Variants in UNC5B observed in about 807,000 individuals in gnomAD.
UNC5B encodes the protein unc-5 netrin receptor B.
A neutral mutation model predicts 103.7 loss-of-function variants in UNC5B; 56 were observed. The observed-to-expected ratio is 0.54, with a 90% CI of 0.44 to 0.67. The LOEUF is 0.67. Among genes scored for constraint, UNC5B ranks in the 30% least tolerant of loss-of-function variants. UNC5B has a pLI of 0.00. For missense variants in UNC5B, 1,194 were observed against 1,284.5 expected (o/e 0.93, Z 1.08); for synonymous variants, 577 against 542.0 (o/e 1.06, Z -0.90).
chr10:71,290,819 G>T, intron 8 of UNC5B, 96 bp from the exon 9 acceptor site: 1 of 1,433,582 alleles, frequency 7.0e-7, no homozygotes, highest in Non-Finnish European at 9.3e-7. Context: ...GGGCCGGTTG[G>T]CCCTGGGCCC....
chr10:71,297,780 C>A, intron 15 of UNC5B, 129 bp from the exon 16 acceptor site: 1 of 1,054,170 alleles, frequency 9.5e-7, no homozygotes, highest in African/African-American at 1.6e-5. Context: ...CCTGCCTGAA[C>A]AGTGGGAGTC....
chr10:71,277,345 G>T (rs545040955), intron 1 of UNC5B, among the ~76,000 whole-genome samples: 14 of 152,366 alleles, frequency 9.2e-5, no homozygotes, highest in African/African-American at 3.4e-4. Context: ...CCTGAGGCCA[G>T]CAAGGGGCTG....
At chr10:71,222,794 C>T (rs1008436396) in intron 1 of UNC5B, among the ~76,000 whole-genome samples, 2 of 152,240 alleles carry the variant, frequency 1.3e-5, no homozygotes, top group African/African-American at 4.8e-5. Context: ...AGGCCCCAAG[C>T]GGCATCTGGA....
At chr10:71,271,821 G>A (rs1052422970) in intron 1 of UNC5B, among the ~76,000 whole-genome samples, 1 of 152,222 alleles carries the variant, frequency 6.6e-6, no homozygotes, top group African/African-American at 2.4e-5. Flanking sequence ...CGCTTCCTGT[G>A]ACAGCAGAGG....
At chr10:71,221,652 C>T (rs1176038153) in intron 1 of UNC5B, among the ~76,000 whole-genome samples, 1 of 152,206 alleles carries the variant, frequency 6.6e-6, no homozygotes, top group African/African-American at 2.4e-5. Flanking sequence ...AGTGCCTGGC[C>T]TGTGATGCTG....
intron 16 of UNC5B, among the ~76,000 whole-genome samples, chr10:71,298,338 C>T (rs1845497833): frequency 6.6e-6 from 1 of 152,216 alleles, no homozygotes; most frequent in Non-Finnish European, 1.5e-5. Flanking sequence ...GCTCTTTTCC[C>T]ATTGTGTGGG....
chr10:71,232,479 T>A (rs985955450), intron 1 of UNC5B, among the ~76,000 whole-genome samples: 2 of 152,224 alleles, frequency 1.3e-5, no homozygotes, highest in African/African-American at 4.8e-5. Flanking sequence ...GCCCCAGCCC[T>A]GGCAGTGCCA....
intron 1 of UNC5B, among the ~76,000 whole-genome samples, chr10:71,233,546 G>A (rs1249010860): frequency 6.6e-6 from 1 of 152,014 alleles, no homozygotes; most frequent in African/African-American, 2.4e-5. Flanking sequence ...CCCACTCCAC[G>A]GTCCATCACT....
At chr10:71,281,572 C>A (rs1589190780) in intron 2 of UNC5B, among the ~76,000 whole-genome samples, 1 of 152,218 alleles carries the variant, frequency 6.6e-6, no homozygotes, top group East Asian at 1.9e-4. Flanking sequence ...AATCTCCTGA[C>A]CTCGTGATCC....
Position 71,293,894 on chromosome 10 carries a change from C to G in UNC5B, c.2136C>G (p.Leu712=). The G allele has an allele frequency of 6.2e-7, 1 of 1,605,476 alleles. No homozygotes were observed. Among genetic ancestry groups the G allele is most frequent in the Non-Finnish European group, 8.5e-7 (1 of 1,179,674 alleles). ...TCTGCACCTCCCTGGAGTACAGCCTCCGGGTCTACTGCCTGGAGGACACGC... is the reference window on the plus strand; with the variant it reads ...TCTGCACCTCCCTGGAGTACAGCCTGCGGGTCTACTGCCTGGAGGACACGC... The part of the protein sequence containing the change: ...PALCTSLEYS[L]RVYCLEDTPV... The change falls in exon 13 of 17, where the codon CTC becomes CTG. Residue 712 remains leucine (L), a synonymous_variant. Coordinates refer to ENST00000335350, the MANE Select transcript of UNC5B (RefSeq NM_170744.5).
chr10:71,273,258 T>G (rs1184246374), intron 1 of UNC5B, among the ~76,000 whole-genome samples: 1 of 152,260 alleles, frequency 6.6e-6, no homozygotes, highest in Non-Finnish European at 1.5e-5. Context: ...TACCCCAAAG[T>G]TGACAGAGCA....
intron 2 of UNC5B, among the ~76,000 whole-genome samples, chr10:71,283,723 G>A (rs1161750191): frequency 6.6e-6 from 1 of 152,148 alleles, no homozygotes; most frequent in Admixed American, 6.5e-5. Context: ...AGCATGGAGG[G>A]CTTCGTTGAG....
chr10:71,296,557 C>T, intron 14 of UNC5B, 21 bp from the exon 15 acceptor site: 2 of 1,612,572 alleles, frequency 1.2e-6, no homozygotes, highest in Non-Finnish European at 1.7e-6. Flanking sequence ...CCTGCCTGGT[C>T]CTGACCCCCT....
chr10:71,287,758 C>T lies in UNC5B; in HGVS notation c.894C>T (p.Ile298=), dbSNP rs764688721. ...QAFQKTACTT[I]CPVDGAWTEW... is the part of the protein sequence containing the mutation. ...TCCAGAAGACCGCCTGCACCACCAT[C>T]TGCCCAGGTAAGGAGCCTTGTCCAT... Residue 298 remains isoleucine (I), a synonymous_variant, in exon 6 of 17, where the codon ATC becomes ATT. Transcript: ENST00000335350. 2 of 1,612,736 alleles carry T rather than the reference C, an allele frequency of 1.2e-6. No individual in the cohort carries two copies. The highest frequency in any genetic ancestry group is 2.2e-5 in the South Asian group (2 of 90,866).
intron 2 of UNC5B, among the ~76,000 whole-genome samples, chr10:71,280,544 A>C (rs758774621): frequency 3.3e-5 from 5 of 152,272 alleles, no homozygotes; most frequent in Non-Finnish European, 7.3e-5. Flanking sequence ...TTAAGTAAAT[A>C]ACCATCCAAG....
intron 8 of UNC5B, among the ~76,000 whole-genome samples, chr10:71,290,282 G>A (rs116204370): frequency 1.7e-4 from 26 of 152,126 alleles, no homozygotes; most frequent in East Asian, 5.8e-4. Flanking sequence ...GAGGCTTCCC[G>A]CCTGGCCATG....
chr10:71,269,433 AGACCACACCCTCTCTG>A (rs1844596211), intron 1 of UNC5B, among the ~76,000 whole-genome samples: 1 of 142,720 alleles, frequency 7.0e-6, no homozygotes, highest in South Asian at 2.4e-4. Flanking sequence ...ATCTGGAGCC[AGACCACACCCTCTCTG>A]GTCTCCATCC....
intron 6 of UNC5B, 145 bp downstream of exon 6, chr10:71,287,910 A>G: frequency 8.9e-7 from 1 of 1,122,134 alleles, no homozygotes. Context: ...GCCCAGGCTG[A>G]CTAGATGCTC....
chr10:71,245,984 T>A, intron 1 of UNC5B, among the ~76,000 whole-genome samples: 1 of 152,126 alleles, frequency 6.6e-6, no homozygotes, highest in East Asian at 1.9e-4. Flanking sequence ...CTCCTCTCTG[T>A]ATCTGAGCGA....
Sources: gnomAD v4.1 joint callset for allele counts (sites outside exome capture counted in the v4.1 genomes callset) on GRCh38, gnomAD v4.1.1 for gene constraint, MANE v1.5 for transcripts, NCBI Gene and HGNC (gene_info 2026-07-23, HGNC 2026-07-21) for gene names.